GALNT9: variants seen among roughly 807,000 people sequenced by gnomAD.
GALNT9 encodes polypeptide N-acetylgalactosaminyltransferase 9.
GALNT9 carries 47 observed loss-of-function variants against 63.1 expected under a neutral mutation model. The observed-to-expected ratio is 0.75, with a 90% CI of 0.59 to 0.95. The LOEUF (loss-of-function observed/expected upper bound fraction) is 0.95, where lower values mean the gene tolerates loss of function less well. GALNT9 is among the 40% of genes least tolerant of loss of function. The probability of loss-of-function intolerance (pLI) is 0.00; values close to 1 mark genes in which losing one functional copy is unlikely to be tolerated. For missense variants in GALNT9, 829 were observed against 874.8 expected (o/e 0.95, Z 0.66); for synonymous variants, 396 against 365.7 (o/e 1.08, Z -0.94).
intron 2 of GALNT9, among the ~76,000 whole-genome samples, chr12:132,281,123 C>A (rs983047642): frequency 8.5e-5 from 13 of 152,230 alleles, no homozygotes; most frequent in African/African-American, 2.9e-4. Context: ...ACTCGCTGAG[C>A]CGCGCCGGGA....
chr12:132,309,060 G>A (rs1881721448), intron 1 of GALNT9, among the ~76,000 whole-genome samples: 1 of 152,238 alleles, frequency 6.6e-6, no homozygotes, highest in Admixed American at 6.5e-5. Context: ...TGGCCCTGCA[G>A]GGCGGTGGGC....
intron 6 of GALNT9, among the ~76,000 whole-genome samples, chr12:132,216,677 G>A (rs1010488541): frequency 6.6e-6 from 1 of 152,230 alleles, no homozygotes; most frequent in African/African-American, 2.4e-5. Context: ...CAGCATCTGG[G>A]GGGATGAGCA....
At chr12:132,227,337 A>G (rs1877733661) in intron 6 of GALNT9, among the ~76,000 whole-genome samples, 1 of 152,142 alleles carries the variant, frequency 6.6e-6, no homozygotes, top group Non-Finnish European at 1.5e-5. Flanking sequence ...CATTGCACGG[A>G]CAAAGGCCTG....
At chr12:132,267,012 AG>A (rs1256091793) in intron 2 of GALNT9, among the ~76,000 whole-genome samples, 5 of 152,178 alleles carry the variant, frequency 3.3e-5, no homozygotes, top group Non-Finnish European at 7.3e-5. Flanking sequence ...AGCGAGCGAA[AG>A]GGGCAGCCCG....
intron 1 of GALNT9, among the ~76,000 whole-genome samples, chr12:132,301,253 T>C (rs925475808): frequency 6.6e-6 from 1 of 152,234 alleles, no homozygotes; most frequent in Non-Finnish European, 1.5e-5. Flanking sequence ...AGGCGTTAAA[T>C]AGCCACTAAA....
At chr12:132,303,510 T>G (rs797023216) in intron 1 of GALNT9, among the ~76,000 whole-genome samples, 4 of 7,726 alleles carry the variant, frequency 5.2e-4, no homozygotes, top group African/African-American at 1.8e-3. Context: ...CACCCTCGCC[T>G]GGGCACACCC....
At chr12:132,248,456 G>C (rs1447963866) in intron 5 of GALNT9, among the ~76,000 whole-genome samples, 2 of 150,848 alleles carry the variant, frequency 1.3e-5, no homozygotes, top group African/African-American at 4.8e-5. Flanking sequence ...CTGGGCAACA[G>C]AGTGAGATCC....
At chr12:132,267,931 A>ACT (rs1879701957) in intron 2 of GALNT9, among the ~76,000 whole-genome samples, 1 of 146,494 alleles carries the variant, frequency 6.8e-6, no homozygotes, top group African/African-American at 2.6e-5. Context: ...ACACACATGC[A>ACT]CACACACACG....
chr12:132,286,229 G>T lies in GALNT9; in HGVS notation c.419+21C>A, dbSNP rs782445557. The T allele has an allele frequency of 6.5e-6, 10 of 1,539,418 alleles. No homozygotes were observed. In the Admixed American group the frequency reaches 2.0e-4, roughly 31 times the overall value. ...ACTTCCTCGGCGGGCGTCGGGGGAT[G>T]GGGGGCAGTCACTCACTCACTTTCT... is the stretch of plus-strand genomic sequence containing the variant. On this transcript the variant is annotated intron_variant, in intron 2 of 10. Coordinates refer to ENST00000328957, the MANE Select transcript of GALNT9 (RefSeq NM_001122636.2). The surrounding 1 kb of genome is among the most constrained non-coding windows in gnomAD (Gnocchi z 7.4).
rs1051271321 is a variant in GALNT9 at position 132,319,280 on chromosome 12, G to T, written c.238+9686C>A. Among the ~76,000 whole-genome samples, 2 of 152,168 alleles carry T rather than the reference G, an allele frequency of 1.3e-5. No homozygotes were observed. Among genetic ancestry groups the T allele is most frequent in the African/African-American group, 4.8e-5 (2 of 41,442 alleles). ...GTCTGTCCTCCCCAGTGCAGACAGG[G>T]ATCAGCCCCTTCTCGGAGGCCCGGC... On this transcript the variant is annotated intron_variant, in intron 1 of 10. Transcript: ENST00000328957. This position sits in a 1 kb window ranked among gnomAD's most constrained non-coding sequence, Gnocchi z 5.2.
intron 1 of GALNT9, among the ~76,000 whole-genome samples, chr12:132,318,679 G>A (rs989572995): frequency 3.9e-5 from 6 of 152,340 alleles, no homozygotes; most frequent in Non-Finnish European, 5.9e-5. Context: ...CTGCAGCCCC[G>A]TGTGTGGCCA....
chr12:132,304,310 C>T (rs1409324522), intron 1 of GALNT9, among the ~76,000 whole-genome samples: 2 of 104,648 alleles, frequency 1.9e-5, no homozygotes, highest in East Asian at 3.6e-4. Flanking sequence ...CACCCTCACC[C>T]GGGCACAGAA....
In GALNT9 at chr12:132,236,211, C is replaced by T. The variant is rs1043382343; in HGVS notation, c.1077+11699G>A. ...AATACAAGCAAATGCCAGCCTCCCTCCCCCAGGCATCGATCTCGTGAATAA... is the reference window on the plus strand; with the variant it reads ...AATACAAGCAAATGCCAGCCTCCCTTCCCCAGGCATCGATCTCGTGAATAA... On this transcript the variant is annotated intron_variant, in intron 6 of 10. Coordinates refer to ENST00000328957, the MANE Select transcript of GALNT9 (RefSeq NM_001122636.2). This position sits in a 1 kb window ranked among gnomAD's most constrained non-coding sequence, Gnocchi z 5.6. Among the ~76,000 whole-genome samples, 85 of 152,268 alleles carry T rather than the reference C, an allele frequency of 5.6e-4. 1 individual carries two copies. The highest frequency in any genetic ancestry group is 1.8e-3 in the African/African-American group (75 of 41,548).
chr12:132,217,059 CCT>C (rs1229522402), intron 6 of GALNT9, among the ~76,000 whole-genome samples: 4 of 152,260 alleles, frequency 2.6e-5, no homozygotes, highest in Non-Finnish European at 4.4e-5. Context: ...CTCAAGCCCA[CCT>C]CTCTTCCATT....
intron 1 of GALNT9, among the ~76,000 whole-genome samples, chr12:132,324,858 C>T (rs575971341): frequency 2.4e-4 from 36 of 152,342 alleles, no homozygotes; most frequent in African/African-American, 3.6e-4. Context: ...CCCACTGTGG[C>T]GAAGGCAGCC....
At chr12:132,201,100 CG>C (rs1876051984) in intron 8 of GALNT9, 23 bp downstream of exon 8, 9 of 1,607,574 alleles carry the variant, frequency 5.6e-6, no homozygotes, top group Non-Finnish European at 7.7e-6. Flanking sequence ...TCGGGCCGAA[CG>C]GGGCCCTCGG....
rs1288540679 is a variant in GALNT9 at position 132,310,041 on chromosome 12, A to G, written c.238+18925T>C. ...TTGCTGGGTGGAATTTCTGAGAAATATGTCTAAAAAAGGAGACTGCTGGAA... is the reference window on the plus strand; with the variant it reads ...TTGCTGGGTGGAATTTCTGAGAAATGTGTCTAAAAAAGGAGACTGCTGGAA... On this transcript the variant is annotated intron_variant, in intron 1 of 10. Transcript: ENST00000328957. The surrounding 1 kb of genome is among the most constrained non-coding windows in gnomAD (Gnocchi z 4.8). 6.6e-6 allele frequency among the ~76,000 whole-genome samples: 1 copy of G among 152,244 alleles called. No homozygotes were observed. The highest frequency in any genetic ancestry group is 2.4e-5 in the African/African-American group (1 of 41,468).
At chr12:132,222,789 C>T (rs1326760282) in intron 6 of GALNT9, among the ~76,000 whole-genome samples, 2 of 151,636 alleles carry the variant, frequency 1.3e-5, no homozygotes, top group Admixed American at 6.6e-5. Context: ...GAGATACGGA[C>T]GCTATGGACG....
intron 1 of GALNT9, among the ~76,000 whole-genome samples, chr12:132,313,800 A>T (rs1593121980): frequency 2.0e-5 from 2 of 98,148 alleles, no homozygotes; most frequent in African/African-American, 8.4e-5. Context: ...CCATCCACCC[A>T]CCCATCCACC....
Sources: gnomAD v4.1 joint callset for allele counts (sites outside exome capture counted in the v4.1 genomes callset) on GRCh38, gnomAD v4.1.1 for gene constraint, Gnocchi (gnomAD v3.1) non-coding constraint, MANE v1.5 for transcripts, NCBI Gene and HGNC (gene_info 2026-07-23, HGNC 2026-07-21) for gene names.